PDZD8: variants seen among roughly 807,000 people sequenced by gnomAD.
The protein encoded by PDZD8 is PDZ domain containing 8, also known as PDZ domain-containing protein 8.
A neutral mutation model predicts 85.8 loss-of-function variants in PDZD8; 14 were observed. That is an observed-to-expected ratio of 0.16 (90% CI 0.11 to 0.26). PDZD8 has a LOEUF of 0.26. PDZD8 is among the 10% of genes least tolerant of loss of function. The probability of loss-of-function intolerance (pLI) is 1.00; values close to 1 mark genes in which losing one functional copy is unlikely to be tolerated. For missense variants in PDZD8, 1,197 were observed against 1,424.3 expected, an observed-to-expected ratio of 0.84 and a Z score of 2.57; for synonymous variants, 592 against 568.6, an observed-to-expected ratio of 1.04 and a Z score of -0.59.
chr10:117,298,306 T>G (rs1264617225), intron 3 of PDZD8, among the ~76,000 whole-genome samples: 1 of 152,152 alleles, frequency 6.6e-6, no homozygotes, highest in Admixed American at 6.6e-5. Context: ...TAGTCCTGTC[T>G]CCTCAAGTCC....
At chr10:117,370,588 C>T (rs1050940844) in intron 1 of PDZD8, among the ~76,000 whole-genome samples, 9 of 152,050 alleles carry the variant, frequency 5.9e-5, no homozygotes, top group African/African-American at 1.2e-4. Flanking sequence ...ACACATGTAA[C>T]CCCAGCACTT....
intron 1 of PDZD8, among the ~76,000 whole-genome samples, chr10:117,342,409 CACACACACACACACACACAT>C (rs1182937948): frequency 6.7e-6 from 1 of 150,048 alleles, no homozygotes; most frequent in Non-Finnish European, 1.5e-5. Context: ...CACACACACA[CACACACACACACACACACAT>C]AGTCAAAAGT....
chr10:117,314,000 A>G (rs1049663280), intron 3 of PDZD8, among the ~76,000 whole-genome samples: 1 of 152,188 alleles, frequency 6.6e-6, no homozygotes, highest in Non-Finnish European at 1.5e-5. Context: ...AATTATTTGA[A>G]TACCATTCAC....
At chr10:117,344,682 C>T (rs1295297751) in intron 1 of PDZD8, among the ~76,000 whole-genome samples, 1 of 152,146 alleles carries the variant, frequency 6.6e-6, no homozygotes, top group East Asian at 1.9e-4. Flanking sequence ...CCACCACGCC[C>T]GGCCACTCCA....
At position 117,278,346 on chromosome 10, in the gene PDZD8, CAT is replaced by C. The variant is rs1281051917; in HGVS notation, c.*4920_*4921del. Reference sequence around the variant, plus strand: ...TGAAGAATGAAATTATGTCTTGAATCATATATTAAGAAGTAAAAATAATAGTG... The same window carrying C: ...TGAAGAATGAAATTATGTCTTGAATCATATTAAGAAGTAAAAATAATAGTG... On this transcript the variant is annotated 3_prime_UTR_variant, in exon 5 of 5. Transcript: ENST00000334464. 1.3e-5 allele frequency: 2 copies of C among 152,240 alleles called. No homozygotes were observed. The highest frequency in any genetic ancestry group is 3.9e-4 in the East Asian group (2 of 5,184). 9.4% of individuals were successfully genotyped at this position (152,240 alleles called of 1,614,324 possible).
chr10:117,288,188 C>T (rs1844697611), intron 4 of PDZD8, among the ~76,000 whole-genome samples: 2 of 152,092 alleles, frequency 1.3e-5, no homozygotes, highest in African/African-American at 4.8e-5. Flanking sequence ...TAATATTTTG[C>T]CAATCTTATT....
intron 3 of PDZD8, among the ~76,000 whole-genome samples, chr10:117,315,745 T>G (rs1844118543): frequency 6.6e-6 from 1 of 152,178 alleles, no homozygotes. Context: ...GACATTTATG[T>G]GTTCTGTGGC....
intron 3 of PDZD8, 30 bp downstream of exon 3, chr10:117,318,842 T>G (rs972676335): frequency 2.1e-6 from 3 of 1,441,484 alleles, no homozygotes; most frequent in Non-Finnish European, 2.9e-6. Flanking sequence ...GAACTTTATA[T>G]AGATATAAAT....
chr10:117,372,323 T>C (rs1442661087), intron 1 of PDZD8, among the ~76,000 whole-genome samples: 4 of 152,208 alleles, frequency 2.6e-5, no homozygotes, highest in African/African-American at 4.8e-5. Context: ...ATACAGATAA[T>C]AGTTTTTCAA....
chr10:117,280,441 T>C lies in PDZD8; in HGVS notation c.*2827A>G, dbSNP rs895603569. 1 of 152,328 alleles carries C rather than the reference T, an allele frequency of 6.6e-6. No homozygotes were observed. The highest frequency in any genetic ancestry group is 1.9e-4 in the East Asian group (1 of 5,192). 9.4% of individuals were successfully genotyped at this position (152,328 alleles called of 1,614,324 possible). ...CAAATTATACCAGAAGATAATTCCA[T>C]AGAGATGCAGCAATCACCTTTTTTA... On this transcript the variant is annotated 3_prime_UTR_variant, in exon 5 of 5. Coordinates refer to ENST00000334464, the MANE Select transcript of PDZD8 (RefSeq NM_173791.5).
rs370780429 is a variant in PDZD8 at position 117,284,309 on chromosome 10, G to A, written c.2424C>T (p.Asn808=). The change falls in exon 5 of 5, where the codon AAC becomes AAT. Residue 808 remains asparagine (N), a synonymous_variant. Coordinates refer to ENST00000334464, the MANE Select transcript of PDZD8 (RefSeq NM_173791.5). ...AATGGGGTTCTTTTTCTTTTTCTAC[G>A]TTAGTAACTACATGGTGGTCTGATT... ...EGESDHHVVT[N]VEKEKEPHLV... The A allele has an allele frequency of 3.3e-5, 54 of 1,613,712 alleles. No individual in the cohort carries two copies. The highest frequency in any genetic ancestry group is 4.0e-5 in the Non-Finnish European group (47 of 1,179,940).
chr10:117,334,512 A>G (rs1207000943), intron 2 of PDZD8, among the ~76,000 whole-genome samples: 1 of 152,058 alleles, frequency 6.6e-6, no homozygotes, highest in African/African-American at 2.4e-5. Context: ...CTGTCTCAAA[A>G]CAAAACAAAA....
At chr10:117,324,121 A>C (rs1336085776) in intron 2 of PDZD8, among the ~76,000 whole-genome samples, 2 of 150,648 alleles carry the variant, frequency 1.3e-5, no homozygotes, top group Non-Finnish European at 3.0e-5. Context: ...TCAGCCACTC[A>C]AGAGGCTGAG....
At chr10:117,286,052 C>T (rs951804540) in intron 4 of PDZD8, among the ~76,000 whole-genome samples, 2 of 152,132 alleles carry the variant, frequency 1.3e-5, no homozygotes, top group African/African-American at 4.8e-5. Context: ...TTTTTCAAAA[C>T]CAGAAAGAAC....
intron 3 of PDZD8, chr10:117,314,125 C>T (rs546558077): frequency 1.3e-5 from 2 of 152,310 alleles, no homozygotes; most frequent in South Asian, 2.1e-4. Flanking sequence ...TAAAGTGCTA[C>T]ATATGTTAGA....
At chr10:117,319,413 ACACACACACACACACACACACT>A (rs1261109100) in intron 2 of PDZD8, among the ~76,000 whole-genome samples, 12 of 85,050 alleles carry the variant, frequency 1.4e-4, no homozygotes, top group Non-Finnish European at 3.3e-4. Context: ...ACACACACAC[ACACACACACACACACACACACT>A]CTTCATCTAC....
In PDZD8 at chr10:117,375,219, C is replaced by A; in HGVS notation, c.9G>T (p.Leu3=). The A allele has an allele frequency of 6.7e-7, 1 of 1,497,328 alleles. No individual in the cohort carries two copies. The highest frequency in any genetic ancestry group is 8.9e-7 in the Non-Finnish European group (1 of 1,127,964). The allele number at this position is 1,497,328 out of a possible 1,614,324, so 92.8% of individuals were successfully genotyped here. A position where few individuals can be genotyped will look rare whatever the true frequency, so the allele number is the denominator to read the frequency against. MG[L]LLMILASAVL... ...CGGCCGACGCCAGGATCATGAGCAG[C>A]AGCCCCATCCCGCCACCGCCTCCGC... The change falls in exon 1 of 5, where the codon CTG becomes CTT. Residue 3 remains leucine, a synonymous_variant. Coordinates refer to ENST00000334464, the MANE Select transcript of PDZD8 (RefSeq NM_173791.5).
intron 1 of PDZD8, among the ~76,000 whole-genome samples, chr10:117,352,244 C>T (rs552347956): frequency 4.6e-5 from 7 of 152,150 alleles, no homozygotes; most frequent in Non-Finnish European, 1.0e-4. Context: ...TACTACAACC[C>T]AATGTAAAAA....
intron 3 of PDZD8, among the ~76,000 whole-genome samples, chr10:117,306,657 GTT>G (rs11335099): frequency 4.7e-5 from 7 of 148,748 alleles, no homozygotes; most frequent in South Asian, 2.1e-4. Flanking sequence ...GATAGGTTTT[GTT>G]TTTTTTTTTA....
Sources: allele counts gnomAD v4.1 joint callset (sites outside exome capture counted in the v4.1 genomes callset), GRCh38; gene constraint gnomAD v4.1.1; transcripts MANE v1.5; gene names NCBI Gene and HGNC (gene_info 2026-07-23, HGNC 2026-07-21).